Variants in NTPCR observed in about 807,000 individuals in gnomAD.
NTPCR encodes nucleoside-triphosphatase, cancer-related, also known as cancer-related nucleoside-triphosphatase.
A neutral mutation model predicts 19.5 loss-of-function variants in NTPCR; 15 were observed. The observed-to-expected ratio is 0.77, with a 90% CI of 0.51 to 1.18. The LOEUF (loss-of-function observed/expected upper bound fraction) is 1.18, where lower values mean the gene tolerates loss of function less well. Ranked by LOEUF, NTPCR falls within the 50% of genes most tolerant of loss-of-function variation. The pLI, the probability that NTPCR is intolerant of heterozygous loss-of-function variation, is 0.00. For missense variants in NTPCR, 206 were observed against 240.4 expected (o/e 0.86, Z 0.95); for synonymous variants, 90 against 95.8 (o/e 0.94, Z 0.36).
In NTPCR at chr1:232,950,717, C is replaced by G; in HGVS notation, c.7C>G (p.Arg3Gly). Residue 3 changes from arginine to glycine, a missense_variant, in exon 1 of 5, where the codon CGG becomes GGG. By Grantham distance (125) the Arg-to-Gly change is moderately radical. Transcript: ENST00000366628. The part of the protein sequence containing the change: MA[R>G]HVFLTGPPGV... ...CCTACCCCCGCCCACCAGTATGGCC[C>G]GGCACGTGTTCCTAACGGGGCCCCC... The G allele has an allele frequency of 1.9e-6, 3 of 1,605,040 alleles. No homozygotes were observed. The highest frequency in any genetic ancestry group is 2.6e-6 in the Non-Finnish European group (3 of 1,175,104).
chr1:232,970,010 G>T lies in NTPCR; in HGVS notation c.396G>T (p.Thr132=). The change falls in exon 4 of 5, where the codon ACG becomes ACT. Residue 132 remains threonine, a synonymous_variant. Transcript: ENST00000366628. The part of the protein sequence containing the change: ...SQLFIQAVRQ[T]LSTPGTIILG... ...TTTTCATTCAAGCTGTTCGTCAGACGCTGTCTACCCCAGGGACTATAATCC... is the reference window on the plus strand; with the variant it reads ...TTTTCATTCAAGCTGTTCGTCAGACTCTGTCTACCCCAGGGACTATAATCC... The T allele has an allele frequency of 1.2e-6, 2 of 1,614,040 alleles. No individual in the cohort carries two copies. The highest frequency in any genetic ancestry group is 1.7e-6 in the Non-Finnish European group (2 of 1,179,904).
intron 3 of NTPCR, among the ~76,000 whole-genome samples, chr1:232,958,377 T>G (rs1356653444): frequency 6.6e-6 from 1 of 152,244 alleles, no homozygotes; most frequent in African/African-American, 2.4e-5. Flanking sequence ...ACTTGCCATT[T>G]TTTTTGGTGA....
At chr1:232,955,821 C>A in intron 2 of NTPCR, 102 bp downstream of exon 2, 1 of 1,162,454 alleles carries the variant, frequency 8.6e-7, no homozygotes, top group Non-Finnish European at 1.3e-6. Context: ...AAAGCAGATA[C>A]TCTGTTGGGT....
rs562046901 is a variant in NTPCR, at chr1:232,980,293, T to G, written c.*2062T>G. 2.0e-5 allele frequency: 3 copies of G among 152,306 alleles called. No individual in the cohort carries two copies. The highest frequency in any genetic ancestry group is 6.5e-5 in the Admixed American group (1 of 15,306). The allele number at this position is 152,306 out of a possible 1,614,324, so 9.4% of individuals were successfully genotyped here. A position where few individuals can be genotyped will look rare whatever the true frequency, so the allele number is the denominator to read the frequency against. On this transcript the variant is annotated 3_prime_UTR_variant, in exon 5 of 5. Coordinates refer to ENST00000366628, the MANE Select transcript of NTPCR (RefSeq NM_032324.3). ...GCGGGAGCTTCTGCACACTTTCCCTTTAACGGTAAAGAGACAAGCTTGGAG... is the reference window on the plus strand; with the variant it reads ...GCGGGAGCTTCTGCACACTTTCCCTGTAACGGTAAAGAGACAAGCTTGGAG...
chr1:232,956,328 A>G lies in NTPCR; in HGVS notation c.198-19A>G, dbSNP rs371572188. The G allele has an allele frequency of 2.2e-4, 355 of 1,587,268 alleles. No individual in the cohort carries two copies. In the African/African-American group the frequency reaches 4.4e-3, roughly 20 times the overall value. On this transcript the variant is annotated intron_variant, in intron 2 of 4. Transcript: ENST00000366628. ...ATACAGGAGTTTTTCAACAAAGAAC[A>G]TAATGTCTTTTCCTTCAGGTTAGAG...
intron 3 of NTPCR, among the ~76,000 whole-genome samples, chr1:232,961,634 A>G (rs1426817373): frequency 1.3e-5 from 2 of 152,176 alleles, no homozygotes; most frequent in African/African-American, 4.8e-5. Flanking sequence ...CACTTTGGTG[A>G]TTATTTTCCC....
intron 4 of NTPCR, chr1:232,977,492 T>C (rs753513088): frequency 1.3e-5 from 2 of 152,170 alleles, no homozygotes; most frequent in African/African-American, 4.8e-5. Flanking sequence ...CGGGATGGTG[T>C]GGTAGTGAAA....
At chr1:232,967,537 T>C (rs1364958075) in intron 3 of NTPCR, 1 of 152,186 alleles carries the variant, frequency 6.6e-6, no homozygotes, top group Non-Finnish European at 1.5e-5. Flanking sequence ...CTTAAATAAA[T>C]GTTGATGAGC....
Position 232,950,696 on chromosome 1 carries a change from C to T in NTPCR, c.-15C>T, listed in dbSNP as rs1258344845. The T allele has an allele frequency of 1.2e-6, 2 of 1,604,742 alleles. No homozygotes were observed. The highest frequency in any genetic ancestry group is 1.1e-5 in the South Asian group (1 of 90,620). ...ACTGCTCCCCTGACCGCAACCCCTACCCCCGCCCACCAGTATGGCCCGGCA... is the reference window on the plus strand; with the variant it reads ...ACTGCTCCCCTGACCGCAACCCCTATCCCCGCCCACCAGTATGGCCCGGCA... On this transcript the variant is annotated 5_prime_UTR_variant, in exon 1 of 5. Coordinates refer to ENST00000366628, the MANE Select transcript of NTPCR (RefSeq NM_032324.3).
chr1:232,978,141 G>A, intron 4 of NTPCR, 22 bp from the exon 5 acceptor site: 1 of 1,604,916 alleles, frequency 6.2e-7, no homozygotes, highest in Non-Finnish European at 8.5e-7. Context: ...TCTGAAGCCT[G>A]TTCTCTCACT....
At chr1:232,975,693 C>G (rs1415906621) in intron 4 of NTPCR, among the ~76,000 whole-genome samples, 1 of 152,082 alleles carries the variant, frequency 6.6e-6, no homozygotes, top group Non-Finnish European at 1.5e-5. Context: ...AAGGGCCCCC[C>G]TACAGCCACT....
At chr1:232,968,541 G>A (rs1668884334) in intron 3 of NTPCR, 1 of 152,180 alleles carries the variant, frequency 6.6e-6, no homozygotes, top group Admixed American at 6.5e-5. Flanking sequence ...TTCGGCTGTG[G>A]GAGAAGATTC....
intron 3 of NTPCR, among the ~76,000 whole-genome samples, chr1:232,959,583 A>G (rs921118262): frequency 1.3e-5 from 2 of 152,222 alleles, no homozygotes; most frequent in African/African-American, 4.8e-5. Context: ...AATGAAAAGA[A>G]TATTAATTAA....
At chr1:232,963,829 CTCTCTCTGTGTGTGTG>C (rs1469087860) in intron 3 of NTPCR, 3 of 115,556 alleles carry the variant, frequency 2.6e-5, no homozygotes, top group African/African-American at 8.6e-5. Context: ...TGCTTATTCT[CTCTCTCTGTGTGTGTG>C]TGTGTGTGTG....
chr1:232,952,122 G>A (rs928265448), intron 1 of NTPCR, among the ~76,000 whole-genome samples: 60 of 152,250 alleles, frequency 3.9e-4, no homozygotes, highest in African/African-American at 8.2e-4. Context: ...TAGTTACAGC[G>A]TAATTTTCAT....
intron 4 of NTPCR, among the ~76,000 whole-genome samples, chr1:232,973,997 GTGTT>G (rs978929105): frequency 1.3e-5 from 2 of 152,192 alleles, no homozygotes; most frequent in African/African-American, 4.8e-5. Flanking sequence ...GGTTGAAAAA[GTGTT>G]TGAAGAAGTA....
chr1:232,952,289 A>C (rs1668386552), intron 1 of NTPCR, among the ~76,000 whole-genome samples: 1 of 151,976 alleles, frequency 6.6e-6, no homozygotes, highest in Non-Finnish European at 1.5e-5. Flanking sequence ...AGCTCACTGC[A>C]TTCTCAAACT....
chr1:232,972,292 T>C (rs2102756587), intron 4 of NTPCR, among the ~76,000 whole-genome samples: 1 of 152,360 alleles, frequency 6.6e-6, no homozygotes, highest in Middle Eastern at 3.4e-3. Context: ...GTTTCAGTTT[T>C]ATTTTATTTT....
chr1:232,976,159 A>G (rs997105956), intron 4 of NTPCR: 56 of 557,340 alleles, frequency 1.0e-4, no homozygotes, highest in Non-Finnish European at 1.4e-4. Context: ...TTTGTAATTG[A>G]TATAATGTAC....
Sources: allele counts gnomAD v4.1 joint callset (sites outside exome capture counted in the v4.1 genomes callset), GRCh38; gene constraint gnomAD v4.1.1; transcripts MANE v1.5; gene names NCBI Gene and HGNC (gene_info 2026-07-23, HGNC 2026-07-21).